ROBO2: variants seen among roughly 807,000 people sequenced by gnomAD.
ROBO2 encodes roundabout homolog 2.
In ROBO2, 53 loss-of-function variants were observed where a neutral mutation model predicts 160.8. The ratio of observed to expected loss-of-function variants is 0.33; its 90% CI spans 0.26 to 0.41. The LOEUF is 0.41. Among genes scored for constraint, ROBO2 ranks in the 10% least tolerant of loss-of-function variants. The pLI, the probability that ROBO2 is intolerant of heterozygous loss-of-function variation, is 1.00. For missense variants in ROBO2, 1,577 were observed against 1,722.4 expected (o/e 0.92, Z 1.49); for synonymous variants, 664 against 611.7 (o/e 1.09, Z -1.26).
intron 2 of ROBO2, among the ~76,000 whole-genome samples, chr3:76,095,694 A>G (rs966588986): frequency 3.3e-5 from 5 of 151,778 alleles, no homozygotes; most frequent in East Asian, 1.9e-4. Flanking sequence ...GGTATTGTCA[A>G]TGTGTGTGTA....
chr3:76,081,929 A>G (rs865917612), intron 2 of ROBO2, among the ~76,000 whole-genome samples: 2 of 152,150 alleles, frequency 1.3e-5, no homozygotes, highest in African/African-American at 4.8e-5. Context: ...AAGTGTAGAC[A>G]TGCATATAAA....
intron 2 of ROBO2, among the ~76,000 whole-genome samples, chr3:76,035,038 A>G (rs1311645155): frequency 6.6e-6 from 1 of 152,052 alleles, no homozygotes; most frequent in African/African-American, 2.4e-5. Context: ...AATCTTCTTT[A>G]TAATCGCCTC....
intron 2 of ROBO2, among the ~76,000 whole-genome samples, chr3:76,439,431 A>G (rs913359369): frequency 7.3e-5 from 11 of 151,708 alleles, no homozygotes; most frequent in African/African-American, 9.7e-5. Context: ...ACAAAGAAGA[A>G]GCATGAAGAG....
At chr3:77,055,071 T>TA (rs759928177) in intron 1 of ROBO2, among the ~76,000 whole-genome samples, 5,317 of 146,066 alleles carry the variant, frequency 0.036, 279 homozygotes, top group African/African-American at 0.12. Flanking sequence ...ACTCATTCTT[T>TA]AAAAAAAAAA....
intron 2 of ROBO2, among the ~76,000 whole-genome samples, chr3:76,843,068 A>C (rs1418503350): frequency 6.6e-6 from 1 of 152,142 alleles, no homozygotes; most frequent in African/African-American, 2.4e-5. Flanking sequence ...AAGGTGAGGG[A>C]GTCTTTATCC....
At chr3:77,594,793 T>C (rs2094259809) in intron 17 of ROBO2, among the ~76,000 whole-genome samples, 1 of 152,192 alleles carries the variant, frequency 6.6e-6, no homozygotes, top group Non-Finnish European at 1.5e-5. Flanking sequence ...TGTTTTAAAA[T>C]TAAAAATCTT....
At chr3:76,527,030 A>AT (rs1396813640) in intron 2 of ROBO2, among the ~76,000 whole-genome samples, 3 of 151,624 alleles carry the variant, frequency 2.0e-5, no homozygotes, top group East Asian at 1.9e-4. Context: ...TGCTTTATAT[A>AT]TTTTTTCTGA....
At chr3:76,579,137 C>G (rs1447790) in intron 2 of ROBO2, among the ~76,000 whole-genome samples, 7,041 of 152,186 alleles carry the variant, frequency 0.046, 605 homozygotes, top group African/African-American at 0.16. Context: ...CTAACTCCCT[C>G]TGATCCTTCC....
rs759529365 is a variant in ROBO2, at chr3:77,588,839, T to C, written c.2589T>C (p.Ala863=). Residue 863 remains alanine, a synonymous_variant, in exon 17 of 26, where the codon GCT becomes GCC. Transcript: ENST00000461745. Reference sequence around the variant, plus strand: ...TGGTGAAGCAACCAGCCTTTATAGCTGGTATTGGTGGTGCCTGCTGGGTAA... The same window carrying C: ...TGGTGAAGCAACCAGCCTTTATAGCCGGTATTGGTGGTGCCTGCTGGGTAA... 3.1e-6 allele frequency: 5 copies of C among 1,613,576 alleles called. No individual in the cohort carries two copies. The South Asian group carries it at 5.5e-5, about 18-fold the overall frequency.
chr3:77,453,908 G>C (rs547825694), intron 2 of ROBO2, among the ~76,000 whole-genome samples: 8 of 152,092 alleles, frequency 5.3e-5, no homozygotes, highest in Non-Finnish European at 1.2e-4. Context: ...AGTGAAGAAA[G>C]ATCATTAGAA....
At chr3:77,603,675 A>G (rs1198578229) in intron 20 of ROBO2, 2 of 152,244 alleles carry the variant, frequency 1.3e-5, no homozygotes, top group East Asian at 1.9e-4. Context: ...TGTCAGTATC[A>G]TATAGCACAA....
At chr3:76,827,084 G>A (rs886136220) in intron 2 of ROBO2, among the ~76,000 whole-genome samples, 2 of 152,104 alleles carry the variant, frequency 1.3e-5, no homozygotes, top group African/African-American at 2.4e-5. Context: ...TTTTGTTTGC[G>A]AGGTAGAGTT....
chr3:76,181,887 G>A (rs1410088847), intron 2 of ROBO2, among the ~76,000 whole-genome samples: 2 of 152,074 alleles, frequency 1.3e-5, no homozygotes, highest in Non-Finnish European at 2.9e-5. Context: ...TTATTATGTA[G>A]CTTTATTCCC....
chr3:77,135,443 C>G (rs1001634965), intron 2 of ROBO2, among the ~76,000 whole-genome samples: 2 of 152,064 alleles, frequency 1.3e-5, no homozygotes, highest in African/African-American at 4.8e-5. Flanking sequence ...CTCTGTCACC[C>G]AGGTTGGAGT....
At position 77,295,340 on chromosome 3, in the gene ROBO2, C is replaced by T. The variant is rs528672905; in HGVS notation, c.389-182074C>T. 1.6e-4 allele frequency among the ~76,000 whole-genome samples: 24 copies of T among 149,282 alleles called. No individual in the cohort carries two copies. The South Asian group carries it at 4.2e-3, about 26-fold the overall frequency. ...AACGGGTAAGCTGAGGCTAGATCACCAAAGACATAAAGTAAAATTGATGGT... is the reference window on the plus strand; with the variant it reads ...AACGGGTAAGCTGAGGCTAGATCACTAAAGACATAAAGTAAAATTGATGGT... On this transcript the variant is annotated intron_variant, in intron 2 of 25. Coordinates refer to ENST00000461745, the Ensembl canonical transcript of ROBO2.
At chr3:76,898,569 C>G (rs2074990118) in intron 2 of ROBO2, among the ~76,000 whole-genome samples, 1 of 152,026 alleles carries the variant, frequency 6.6e-6, no homozygotes. Flanking sequence ...TGGTATTCAT[C>G]ATCTCACATT....
intron 2 of ROBO2, among the ~76,000 whole-genome samples, chr3:76,259,488 A>G (rs574392638): frequency 2.0e-5 from 3 of 152,126 alleles, no homozygotes; most frequent in Non-Finnish European, 4.4e-5. Flanking sequence ...AGTTCTATAT[A>G]GATTCTCATG....
At chr3:76,208,372 A>G (rs1454420936) in intron 2 of ROBO2, among the ~76,000 whole-genome samples, 1 of 152,180 alleles carries the variant, frequency 6.6e-6, no homozygotes, top group Non-Finnish European at 1.5e-5. Flanking sequence ...TCAGTGAAAT[A>G]TAATACTTTT....
intron 2 of ROBO2, among the ~76,000 whole-genome samples, chr3:76,226,437 G>T (rs529948426): frequency 5.3e-4 from 80 of 152,140 alleles, no homozygotes; most frequent in African/African-American, 1.6e-3. Flanking sequence ...AAGGAATAAG[G>T]GTTGTTGTGG....
Sources: gnomAD v4.1 joint callset for allele counts (sites outside exome capture counted in the v4.1 genomes callset) on GRCh38, gnomAD v4.1.1 for gene constraint, MANE v1.5 for transcripts, NCBI Gene and HGNC (gene_info 2026-07-23, HGNC 2026-07-21) for gene names.